The following TBC1D22A variants were observed in gnomAD, a reference collection of about 807,000 sequenced individuals.
TBC1D22A encodes the protein putative GTPase activator.
A neutral mutation model predicts 60.2 loss-of-function variants in TBC1D22A; 38 were observed. The ratio of observed to expected loss-of-function variants is 0.63; its 90% CI spans 0.49 to 0.83. The LOEUF (loss-of-function observed/expected upper bound fraction) is 0.83, where lower values mean the gene tolerates loss of function less well. TBC1D22A is among the 40% of genes least tolerant of loss of function. The pLI is 0.00. For missense variants in TBC1D22A, 628 were observed against 701.0 expected (o/e 0.90, Z 1.18); for synonymous variants, 302 against 281.7 (o/e 1.07, Z -0.72).
intron 7 of TBC1D22A, among the ~76,000 whole-genome samples, chr22:46,906,749 G>T (rs2069498055): frequency 6.7e-6 from 1 of 149,000 alleles, no homozygotes; most frequent in Admixed American, 6.7e-5. Flanking sequence ...CTGGCCCGTG[G>T]CTGTGTGTGT....
At chr22:47,065,941 C>T (rs59843006) in intron 11 of TBC1D22A, among the ~76,000 whole-genome samples, 2,084 of 152,266 alleles carry the variant, frequency 0.014, 45 homozygotes, top group African/African-American at 0.047. Context: ...ACACTGGACC[C>T]ATGCCTAGCA....
At chr22:47,067,502 C>T (rs12159628) in intron 11 of TBC1D22A, among the ~76,000 whole-genome samples, 71 of 152,338 alleles carry the variant, frequency 4.7e-4, no homozygotes, top group African/African-American at 1.4e-3. Flanking sequence ...CCCTTTGCAA[C>T]GATGCTCCTT....
intron 5 of TBC1D22A, among the ~76,000 whole-genome samples, chr22:46,890,511 T>G (rs115986545): frequency 0.012 from 1,880 of 152,288 alleles, 32 homozygotes; most frequent in African/African-American, 0.041. Context: ...ATGCAAACAC[T>G]ATGGCATTTT....
chr22:46,906,282 A>C (rs1339027135), intron 7 of TBC1D22A, among the ~76,000 whole-genome samples: 1 of 151,874 alleles, frequency 6.6e-6, no homozygotes, highest in Non-Finnish European at 1.5e-5. Context: ...CCAGAAGGTG[A>C]GTTTAGATCC....
chr22:47,130,455 T>G (rs529158883), intron 12 of TBC1D22A, among the ~76,000 whole-genome samples: 54 of 152,322 alleles, frequency 3.5e-4, no homozygotes, highest in African/African-American at 1.2e-3. Context: ...GATCTACATG[T>G]CTGGATACCG....
At chr22:46,881,856 C>T (rs1029973387) in intron 5 of TBC1D22A, among the ~76,000 whole-genome samples, 1 of 152,212 alleles carries the variant, frequency 6.6e-6, no homozygotes, top group South Asian at 2.1e-4. Flanking sequence ...CCATCCAGCT[C>T]CCCAGGCAGT....
chr22:47,041,504 A>G (rs1375282570), intron 11 of TBC1D22A, among the ~76,000 whole-genome samples: 1 of 152,190 alleles, frequency 6.6e-6, no homozygotes, highest in Non-Finnish European at 1.5e-5. Context: ...ACTTCTATAC[A>G]TGGAGGCTCT....
chr22:47,005,238 C>T (rs1402446829), intron 10 of TBC1D22A, among the ~76,000 whole-genome samples: 1 of 151,608 alleles, frequency 6.6e-6, no homozygotes, highest in Non-Finnish European at 1.5e-5. Context: ...TGCCTATACA[C>T]AGAAACACCA....
chr22:47,129,453 G>A (rs1271548011), intron 12 of TBC1D22A, among the ~76,000 whole-genome samples: 1 of 152,234 alleles, frequency 6.6e-6, no homozygotes, highest in African/African-American at 2.4e-5. Context: ...CTGCAGCCTG[G>A]TGACAGAGTG....
At chr22:47,153,917 G>A (rs2067607227) in intron 12 of TBC1D22A, among the ~76,000 whole-genome samples, 1 of 152,160 alleles carries the variant, frequency 6.6e-6, no homozygotes, top group Non-Finnish European at 1.5e-5. Flanking sequence ...GCCTGTGGGA[G>A]GTCCGGGGAC....
intron 11 of TBC1D22A, among the ~76,000 whole-genome samples, chr22:47,086,706 C>T (rs986301424): frequency 2.0e-5 from 3 of 152,060 alleles, no homozygotes; most frequent in Admixed American, 6.6e-5. Flanking sequence ...TTTCCTCGTA[C>T]GGTGAGAGGA....
chr22:47,085,893 A>G (rs1451668114), intron 11 of TBC1D22A, among the ~76,000 whole-genome samples: 1 of 152,246 alleles, frequency 6.6e-6, no homozygotes, highest in Non-Finnish European at 1.5e-5. Context: ...ATCTACATTC[A>G]TGCACACAGA....
intron 4 of TBC1D22A, among the ~76,000 whole-genome samples, chr22:46,877,221 A>G (rs2067610151): frequency 6.6e-6 from 1 of 152,246 alleles, no homozygotes; most frequent in African/African-American, 2.4e-5. Flanking sequence ...AAGTAACACA[A>G]GCTTGTTTTG....
Position 46,762,861 on chromosome 22 carries a change from C to A in TBC1D22A, c.62+13C>A, listed in dbSNP as rs778891252. The A allele has an allele frequency of 3.4e-6, 5 of 1,468,292 alleles. No homozygotes were observed. In the African/African-American group the frequency reaches 7.5e-5, roughly 22 times the overall value. The allele number at this position is 1,468,292 out of a possible 1,614,324, so 91.0% of individuals were successfully genotyped here. A position where few individuals can be genotyped will look rare whatever the true frequency, so the allele number is the denominator to read the frequency against. On this transcript the variant is annotated intron_variant, in intron 1 of 12. Transcript: ENST00000337137. ...AGCTCCCGGGCAGGTGGGTGTGCCG[C>A]GGAGGGCCAGGTCGGGGTCAGGGGT...
At chr22:47,132,291 C>T (rs767237993) in intron 12 of TBC1D22A, among the ~76,000 whole-genome samples, 4 of 152,182 alleles carry the variant, frequency 2.6e-5, no homozygotes, top group Non-Finnish European at 4.4e-5. Context: ...CGTGCCACCC[C>T]GTTCTTCTGG....
At chr22:46,903,344 A>G (rs1438471238) in intron 7 of TBC1D22A, among the ~76,000 whole-genome samples, 4 of 152,128 alleles carry the variant, frequency 2.6e-5, no homozygotes, top group African/African-American at 9.7e-5. Flanking sequence ...GTACTCGGGG[A>G]AGCTGTGGAC....
At chr22:47,132,352 T>A (rs931950519) in intron 12 of TBC1D22A, among the ~76,000 whole-genome samples, 10 of 152,192 alleles carry the variant, frequency 6.6e-5, no homozygotes, top group Admixed American at 2.6e-4. Flanking sequence ...TTCCTTCCGA[T>A]CCACCTTCCA....
chr22:46,774,829 G>T (rs1044734503), intron 1 of TBC1D22A, among the ~76,000 whole-genome samples: 2 of 152,222 alleles, frequency 1.3e-5, no homozygotes, highest in Non-Finnish European at 2.9e-5. Context: ...TCATTTGAGC[G>T]CTGCCTCGCC....
At chr22:46,861,029 T>C (rs1204005077) in intron 4 of TBC1D22A, among the ~76,000 whole-genome samples, 1 of 152,156 alleles carries the variant, frequency 6.6e-6, no homozygotes, top group Non-Finnish European at 1.5e-5. Flanking sequence ...TGGTCAATCT[T>C]GGCTCACTGT....
Sources: allele counts gnomAD v4.1 joint callset (sites outside exome capture counted in the v4.1 genomes callset), GRCh38; gene constraint gnomAD v4.1.1; transcripts MANE v1.5; gene names NCBI Gene and HGNC (gene_info 2026-07-23, HGNC 2026-07-21).